The following BNC2 variants were observed in gnomAD, a reference collection of about 807,000 sequenced individuals.
BNC2 encodes basonuclin zinc finger protein 2.
Under a neutral mutation model 76.3 loss-of-function variants are expected in BNC2, and 20 were observed. That is an observed-to-expected ratio of 0.26 (90% CI 0.18 to 0.38). The LOEUF is 0.38. Ranked by LOEUF, BNC2 falls within the 10% of genes least tolerant of loss-of-function variation. BNC2 has a pLI of 1.00. For synonymous variants in BNC2, 582 were observed against 514.8 expected (o/e 1.13, Z -1.77); for missense variants, 1,382 against 1,399.8 (o/e 0.99, Z 0.20).
intron 3 of BNC2, chr9:16,727,461 T>A (rs1587357512): frequency 7.4e-6 from 2 of 268,572 alleles, no homozygotes; most frequent in South Asian, 1.1e-4. Context: ...TAGATACATT[T>A]GTTGGGAGGT....
chr9:16,821,827 G>C (rs980675298), intron 1 of BNC2, among the ~76,000 whole-genome samples: 2 of 151,988 alleles, frequency 1.3e-5, no homozygotes, highest in African/African-American at 4.8e-5. Context: ...GGCACGGTGG[G>C]TAATGCCTGT....
chr9:16,855,626 CT>C (rs1163031539), intron 1 of BNC2, among the ~76,000 whole-genome samples: 1 of 152,158 alleles, frequency 6.6e-6, no homozygotes. Flanking sequence ...CAACCTCCAC[CT>C]CCCGGGTTCA....
chr9:16,586,610 C>G (rs1360185541), intron 3 of BNC2, among the ~76,000 whole-genome samples: 2 of 152,198 alleles, frequency 1.3e-5, no homozygotes, highest in Non-Finnish European at 2.9e-5. Context: ...TCCTCTCTCT[C>G]TCTCTCTCTC....
At chr9:16,710,790 G>A (rs1284434135) in intron 3 of BNC2, among the ~76,000 whole-genome samples, 1 of 151,844 alleles carries the variant, frequency 6.6e-6, no homozygotes, top group African/African-American at 2.4e-5. Context: ...CAGTACATTT[G>A]TGACTTGTCA....
At chr9:16,617,828 C>A (rs901745597) in intron 3 of BNC2, among the ~76,000 whole-genome samples, 2 of 152,168 alleles carry the variant, frequency 1.3e-5, no homozygotes, top group African/African-American at 2.4e-5. Flanking sequence ...GGTATTATCC[C>A]ATTTCACTGA....
At chr9:16,773,364 T>C (rs1825878600) in intron 1 of BNC2, among the ~76,000 whole-genome samples, 1 of 152,252 alleles carries the variant, frequency 6.6e-6, no homozygotes, top group South Asian at 2.1e-4. Context: ...AAGCCTTTTT[T>C]CCCCTCTCTC....
chr9:16,588,814 T>A (rs888009326), intron 3 of BNC2, among the ~76,000 whole-genome samples: 2 of 152,220 alleles, frequency 1.3e-5, no homozygotes, highest in Admixed American at 1.3e-4. Context: ...TTTATGTGAA[T>A]TGAACCCCAA....
chr9:16,678,320 CCAG>C (rs1822719879), intron 3 of BNC2, among the ~76,000 whole-genome samples: 1 of 137,388 alleles, frequency 7.3e-6, no homozygotes, highest in African/African-American at 2.9e-5. Context: ...GCTCTGTCGC[CCAG>C]GCTGGAGTGC....
At position 16,577,449 on chromosome 9, in the gene BNC2, T is replaced by C. The variant is rs561590773; in HGVS notation, c.433+5534A>G. ...TTAAACCATAAAGCTGGTTGGTATA[T>C]GATACTAAATTAACTTTATACTTCT... is the stretch of plus-strand genomic sequence containing the variant. On this transcript the variant is annotated intron_variant, in intron 4 of 6. Coordinates refer to ENST00000380672, the MANE Select transcript of BNC2 (RefSeq NM_017637.6). Among the ~76,000 whole-genome samples the C allele has an allele frequency of 2.4e-4, 36 of 152,308 alleles. 1 individual carries two copies. The South Asian group carries it at 7.5e-3, about 32-fold the overall frequency.
chr9:16,660,962 G>T (rs12351550), intron 3 of BNC2, among the ~76,000 whole-genome samples: 11,226 of 152,168 alleles, frequency 0.074, 522 homozygotes, highest in African/African-American at 0.12. Context: ...GGTATTTGAG[G>T]GAGGTCCTGG....
At chr9:16,853,338 C>T (rs1423164047) in intron 1 of BNC2, among the ~76,000 whole-genome samples, 3 of 147,976 alleles carry the variant, frequency 2.0e-5, no homozygotes, top group African/African-American at 2.5e-5. Context: ...CCAGGGAGGT[C>T]GAGGCTGCAG....
At chr9:16,811,445 A>AG (rs1194133345) in intron 1 of BNC2, among the ~76,000 whole-genome samples, 2 of 147,638 alleles carry the variant, frequency 1.4e-5, no homozygotes, top group Admixed American at 1.4e-4. Context: ...CCAGCTACTC[A>AG]GGAGGCTGAG....
chr9:16,716,321 C>A (rs1178471158), intron 3 of BNC2, among the ~76,000 whole-genome samples: 1 of 152,168 alleles, frequency 6.6e-6, no homozygotes, highest in East Asian at 1.9e-4. Flanking sequence ...CACCATCTGA[C>A]ATTTATACTT....
Position 16,414,923 on chromosome 9 carries a change from T to G in BNC2, c.*4066A>C, listed in dbSNP as rs1019956776. ...CCATTCTTGATATATTCAAAGTTTTTTTTTTTTTTTTTTCCTTAGAGCAAT... is the reference window on the plus strand; with the variant it reads ...CCATTCTTGATATATTCAAAGTTTTGTTTTTTTTTTTTTCCTTAGAGCAAT... On this transcript the variant is annotated 3_prime_UTR_variant, in exon 7 of 7. Transcript: ENST00000380672. 13 of 152,002 alleles carry G rather than the reference T, an allele frequency of 8.6e-5. No homozygotes were observed. The highest frequency in any genetic ancestry group is 2.9e-4 in the African/African-American group (12 of 41,482). The allele number at this position is 152,002 out of a possible 1,614,324, so 9.4% of individuals were successfully genotyped here. A position where few individuals can be genotyped will look rare whatever the true frequency, so the allele number is the denominator to read the frequency against.
intron 3 of BNC2, among the ~76,000 whole-genome samples, chr9:16,723,145 T>C (rs1824213160): frequency 6.6e-6 from 1 of 152,150 alleles, no homozygotes; most frequent in Non-Finnish European, 1.5e-5. Context: ...ACAAGTTTAG[T>C]CAATTTAATC....
chr9:16,543,081 A>G (rs903172957), intron 5 of BNC2, among the ~76,000 whole-genome samples: 1 of 152,142 alleles, frequency 6.6e-6, no homozygotes, highest in African/African-American at 2.4e-5. Context: ...CAGTAGCTCA[A>G]ATAAAACGTA....
intron 3 of BNC2, among the ~76,000 whole-genome samples, chr9:16,666,320 T>G (rs965338607): frequency 3.3e-5 from 5 of 152,226 alleles, no homozygotes; most frequent in African/African-American, 1.2e-4. Context: ...TGGCATTCCC[T>G]TGATCTCTGC....
rs1185950414 is a variant in BNC2, at chr9:16,414,008, C to T, written c.*4981G>A. ...CTGGCCTTTTCTATAGCCTTGCTGACCCCTGGCATCTTTCGGTTCTCAGGG... is the reference window on the plus strand; with the variant it reads ...CTGGCCTTTTCTATAGCCTTGCTGATCCCTGGCATCTTTCGGTTCTCAGGG... On this transcript the variant is annotated 3_prime_UTR_variant, in exon 7 of 7. Transcript: ENST00000380672. 1 of 152,158 alleles carries T rather than the reference C, an allele frequency of 6.6e-6. No homozygotes were observed. The highest frequency in any genetic ancestry group is 2.4e-5 in the African/African-American group (1 of 41,434). 9.4% of individuals were successfully genotyped at this position (152,158 alleles called of 1,614,324 possible).
At chr9:16,705,775 G>C (rs1823651052) in intron 3 of BNC2, among the ~76,000 whole-genome samples, 1 of 152,038 alleles carries the variant, frequency 6.6e-6, no homozygotes, top group African/African-American at 2.4e-5. Context: ...CTTATCAAAG[G>C]TGCCAGTTCT....
Sources: allele counts gnomAD v4.1 joint callset (sites outside exome capture counted in the v4.1 genomes callset), GRCh38; gene constraint gnomAD v4.1.1; transcripts MANE v1.5; gene names NCBI Gene and HGNC (gene_info 2026-07-23, HGNC 2026-07-21).